The following NEDD8 variants were observed in gnomAD, a reference collection of about 807,000 sequenced individuals.
NEDD8 encodes the protein ubiquitin-like protein NEDD8.
NEDD8 carries 1 observed loss-of-function variant against 13.8 expected under a neutral mutation model. The observed-to-expected ratio is 0.07, with a 90% confidence interval of 0.03 to 0.34. The LOEUF is 0.34. NEDD8 is among the 10% of genes least tolerant of loss of function. The pLI, the probability that NEDD8 is intolerant of heterozygous loss-of-function variation, is 0.99. For synonymous variants in NEDD8, 31 were observed against 33.2 expected (o/e 0.93, Z 0.23); for missense variants, 10 against 95.2 (o/e 0.10, Z 3.73).
At position 24,232,323 on chromosome 14, in the gene NEDD8, C is replaced by A; in HGVS notation, c.-56G>T. The stretch of plus-strand genomic sequence containing the variant: ...AAATTGCTGCTCCTACCGCTCCGGT[C>A]GCCGCTGCCGCCCTCCAGCACTCTT... On this transcript the variant is annotated 5_prime_UTR_variant, in exon 1 of 4. Coordinates refer to ENST00000250495, the MANE Select transcript of NEDD8 (RefSeq NM_006156.3). 1 of 1,592,900 alleles carries A rather than the reference C, an allele frequency of 6.3e-7. No individual in the cohort carries two copies. Among genetic ancestry groups the A allele is most frequent in the Non-Finnish European group, 8.6e-7 (1 of 1,168,178 alleles).
chr14:24,224,890 G>A (rs1017511344), intron 1 of NEDD8, among the ~76,000 whole-genome samples: 8 of 152,208 alleles, frequency 5.3e-5, no homozygotes, highest in African/African-American at 1.9e-4. Flanking sequence ...CCGTTGTGGT[G>A]TCTCATGCCT....
At chr14:24,218,047 C>T (rs1368860586) in intron 3 of NEDD8, 86 bp downstream of exon 3, 1 of 1,565,044 alleles carries the variant, frequency 6.4e-7, no homozygotes, top group East Asian at 2.2e-5. Context: ...ACAAGAGGCA[C>T]CCCTGATCCA....
chr14:24,218,554 A>G (rs2039747076), intron 1 of NEDD8, 123 bp from the exon 2 acceptor site: 18 of 1,366,058 alleles, frequency 1.3e-5, no homozygotes, highest in Non-Finnish European at 1.8e-5. Flanking sequence ...TCTCAGCAGC[A>G]CTGCTTTGGA....
intron 1 of NEDD8, among the ~76,000 whole-genome samples, chr14:24,224,608 T>A (rs1489989285): frequency 6.6e-6 from 1 of 152,216 alleles, no homozygotes; most frequent in Admixed American, 6.5e-5. Context: ...ATGGCTACCA[T>A]TTTGGACACT....
In NEDD8 at chr14:24,217,797, T is replaced by C. The variant is rs541748729; in HGVS notation, c.149+336A>G. 5 of 223,752 alleles carry C rather than the reference T, an allele frequency of 2.2e-5. No individual in the cohort carries two copies. The South Asian group carries it at 5.1e-4, about 23-fold the overall frequency. 13.9% of individuals were successfully genotyped at this position (223,752 alleles called of 1,614,324 possible). ...AACTATTTTCTATCATGATCATTTATAGGTATCTTGAAAATATTTCAAAAT... is the reference window on the plus strand; with the variant it reads ...AACTATTTTCTATCATGATCATTTACAGGTATCTTGAAAATATTTCAAAAT... On this transcript the variant is annotated intron_variant, in intron 3 of 3. Transcript: ENST00000250495.
intron 1 of NEDD8, 23 bp downstream of exon 1, chr14:24,232,227 G>A: frequency 6.2e-7 from 1 of 1,614,044 alleles, no homozygotes; most frequent in Middle Eastern, 1.7e-4. Context: ...ACTGCGTCTT[G>A]GCAAGGCTGG....
At chr14:24,231,497 G>A (rs369398829) in intron 1 of NEDD8, among the ~76,000 whole-genome samples, 3 of 149,222 alleles carry the variant, frequency 2.0e-5, no homozygotes, top group African/African-American at 5.0e-5. Context: ...GGGGGCGTGG[G>A]GGGGGGGGTC....
intron 1 of NEDD8, 107 bp from the exon 2 acceptor site, chr14:24,218,538 G>T: frequency 6.8e-7 from 1 of 1,478,472 alleles, no homozygotes; most frequent in Non-Finnish European, 9.4e-7. Flanking sequence ...TCTAAAAGAT[G>T]CATATTCTCA....
intron 1 of NEDD8, among the ~76,000 whole-genome samples, chr14:24,226,046 A>G (rs2039885518): frequency 6.6e-6 from 1 of 151,300 alleles, no homozygotes; most frequent in Non-Finnish European, 1.5e-5. Context: ...CTCCAAAAAA[A>G]AAAAAAAGAT....
Position 24,222,854 on chromosome 14 carries a change from C to T in NEDD8, c.19-4423G>A, listed in dbSNP as rs928322648. Among the ~76,000 whole-genome samples, 4 of 151,926 alleles carry T rather than the reference C, an allele frequency of 2.6e-5. No individual in the cohort carries two copies. The South Asian group carries it at 6.2e-4, about 24-fold the overall frequency. On this transcript the variant is annotated intron_variant, in intron 1 of 3. Transcript: ENST00000250495. The stretch of plus-strand genomic sequence containing the variant: ...CTGTAATCCTAGCACTTTAGGAGGC[C>T]GAGGGGGCGGATCACGAGGTCAGGA...
intron 1 of NEDD8, among the ~76,000 whole-genome samples, chr14:24,225,304 T>C (rs2039874726): frequency 6.6e-6 from 1 of 151,476 alleles, no homozygotes; most frequent in South Asian, 2.1e-4. Context: ...TGAAAACACA[T>C]AAACCAATGG....
chr14:24,222,475 G>T (rs1236237694), intron 1 of NEDD8, among the ~76,000 whole-genome samples: 2 of 152,056 alleles, frequency 1.3e-5, no homozygotes, highest in Non-Finnish European at 2.9e-5. Flanking sequence ...ACATTATTAT[G>T]CTTTTCTGTA....
chr14:24,228,783 G>T (rs1459433252), intron 1 of NEDD8: 1 of 147,684 alleles, frequency 6.8e-6, no homozygotes, highest in South Asian at 2.1e-4. Flanking sequence ...GTAATTAACA[G>T]CTCTTTTTTT....
intron 1 of NEDD8, among the ~76,000 whole-genome samples, chr14:24,229,365 G>A (rs8011249): frequency 0.52 from 79,826 of 152,070 alleles, 23,523 homozygotes; most frequent in Middle Eastern, 0.69. Context: ...GACTACAGGT[G>A]TGTGCCACCA....
At chr14:24,228,307 C>G (rs939857810) in intron 1 of NEDD8, 1 of 152,080 alleles carries the variant, frequency 6.6e-6, no homozygotes. Context: ...GCAGGAGCAT[C>G]GCTTGAACCC....
intron 1 of NEDD8, 109 bp from the exon 2 acceptor site, chr14:24,218,540 A>G: frequency 6.8e-7 from 1 of 1,468,636 alleles, no homozygotes; most frequent in Non-Finnish European, 9.5e-7. Context: ...TAAAAGATGC[A>G]TATTCTCAGC....
At chr14:24,228,525 G>A (rs1379666443) in intron 1 of NEDD8, 1 of 151,932 alleles carries the variant, frequency 6.6e-6, no homozygotes, top group Non-Finnish European at 1.5e-5. Flanking sequence ...GACTAGCGTG[G>A]GCAACACGAT....
At chr14:24,230,990 A>G (rs1302798378) in intron 1 of NEDD8, among the ~76,000 whole-genome samples, 2 of 151,088 alleles carry the variant, frequency 1.3e-5, no homozygotes, top group African/African-American at 4.9e-5. Context: ...CCCAGGATCA[A>G]TCAATCCTCC....
chr14:24,222,640 G>C (rs923516889), intron 1 of NEDD8, among the ~76,000 whole-genome samples: 2 of 152,070 alleles, frequency 1.3e-5, no homozygotes, highest in African/African-American at 4.8e-5. Flanking sequence ...TTTACTAGTA[G>C]CCATATTGTA....
Sources: allele counts gnomAD v4.1 joint callset (sites outside exome capture counted in the v4.1 genomes callset), GRCh38; gene constraint gnomAD v4.1.1; transcripts MANE v1.5; gene names NCBI Gene and HGNC (gene_info 2026-07-23, HGNC 2026-07-21).